Variants in CALN1 observed in about 807,000 individuals in gnomAD.
CALN1 encodes the protein calneuron 1.
Under a neutral mutation model 30.6 loss-of-function variants are expected in CALN1, and 17 were observed. The observed-to-expected ratio is 0.56, with a 90% CI of 0.38 to 0.83. The LOEUF (loss-of-function observed/expected upper bound fraction) is 0.83, where lower values mean the gene tolerates loss of function less well. Ranked by LOEUF, CALN1 falls within the 40% of genes least tolerant of loss-of-function variation. The probability of loss-of-function intolerance (pLI) is 0.00; values close to 1 mark genes in which losing one functional copy is unlikely to be tolerated. For missense variants in CALN1, 291 were observed against 354.9 expected, an observed-to-expected ratio of 0.82 and a Z score of 1.45; for synonymous variants, 156 against 131.4, an observed-to-expected ratio of 1.19 and a Z score of -1.28.
At chr7:72,012,666 G>A (rs1800149573) in intron 5 of CALN1, among the ~76,000 whole-genome samples, 1 of 152,188 alleles carries the variant, frequency 6.6e-6, no homozygotes, top group Non-Finnish European at 1.5e-5. Flanking sequence ...CCTGCCTTGC[G>A]CCTCCTGCAG....
intron 5 of CALN1, among the ~76,000 whole-genome samples, chr7:71,984,886 G>T (rs1047045858): frequency 4.6e-5 from 7 of 152,162 alleles, no homozygotes; most frequent in Non-Finnish European, 8.8e-5. Flanking sequence ...CACATGGTTG[G>T]CTGTTATCCT....
chr7:71,915,277 G>A (rs747169463), intron 5 of CALN1, among the ~76,000 whole-genome samples: 1 of 152,210 alleles, frequency 6.6e-6, no homozygotes. Flanking sequence ...AATGAGAAAA[G>A]CAATGAGGTC....
intron 2 of CALN1, among the ~76,000 whole-genome samples, chr7:72,309,347 G>A (rs1187508441): frequency 8.5e-5 from 13 of 152,080 alleles, no homozygotes; most frequent in Non-Finnish European, 1.3e-4. Flanking sequence ...CAGTCTGTGT[G>A]CAAATAAATC....
intron 5 of CALN1, among the ~76,000 whole-genome samples, chr7:71,894,065 T>C (rs1366620452): frequency 2.6e-5 from 4 of 152,238 alleles, no homozygotes; most frequent in Non-Finnish European, 4.4e-5. Flanking sequence ...CTCCTATAGC[T>C]ACTGAAACTG....
chr7:72,444,574 T>G (rs1051896263), intron 1 of CALN1, among the ~76,000 whole-genome samples: 11 of 152,246 alleles, frequency 7.2e-5, no homozygotes, highest in African/African-American at 2.4e-4. Context: ...TTGGGAGAGA[T>G]AGAGTGACAG....
At chr7:72,097,649 A>C (rs371001502) in intron 4 of CALN1, among the ~76,000 whole-genome samples, 2,015 of 14,530 alleles carry the variant, frequency 0.14, 21 homozygotes, top group South Asian at 0.32. Flanking sequence ...TGTCTACCCA[A>C]AAAAAAAAAA....
At chr7:72,076,611 C>CAAAAAAAAA (rs572245834) in intron 4 of CALN1, among the ~76,000 whole-genome samples, 229 of 6,126 alleles carry the variant, frequency 0.037, 102 homozygotes, top group Middle Eastern at 0.2. Context: ...AAAAAAAAAG[C>CAAAAAAAAA]AAAAAAAAAA....
chr7:72,434,840 G>A (rs1350592251), intron 1 of CALN1, among the ~76,000 whole-genome samples: 1 of 152,214 alleles, frequency 6.6e-6, no homozygotes, highest in Non-Finnish European at 1.5e-5. Flanking sequence ...GCGAGGCCTG[G>A]ACAGTCAATA....
chr7:72,499,553 A>T, the CALN1 span, among the ~76,000 whole-genome samples: 1 of 152,116 alleles, frequency 6.6e-6, no homozygotes, highest in South Asian at 2.1e-4. Flanking sequence ...TATTCATATT[A>T]TTTTGCAAAA....
At chr7:72,482,803 C>A in the CALN1 span, among the ~76,000 whole-genome samples, 1,652 of 152,202 alleles carry the variant, frequency 0.011, 28 homozygotes, top group African/African-American at 0.037. Flanking sequence ...TCCCAGTACT[C>A]TTCACTCCTT....
chr7:71,987,186 G>A (rs1798718768), intron 5 of CALN1, among the ~76,000 whole-genome samples: 1 of 152,150 alleles, frequency 6.6e-6, no homozygotes, highest in South Asian at 2.1e-4. Flanking sequence ...TTTCACCTAG[G>A]GACAAAGTGA....
chr7:71,879,780 G>A (rs762926881), intron 5 of CALN1, among the ~76,000 whole-genome samples: 26 of 152,294 alleles, frequency 1.7e-4, no homozygotes, highest in Non-Finnish European at 2.8e-4. Context: ...GTACCACTCT[G>A]ATGCTTACGT....
intron 4 of CALN1, among the ~76,000 whole-genome samples, chr7:72,078,118 C>T (rs1177637472): frequency 6.6e-6 from 1 of 152,078 alleles, no homozygotes; most frequent in Non-Finnish European, 1.5e-5. Context: ...AGTGCTTGCC[C>T]TTTTGGAAGC....
intron 3 of CALN1, among the ~76,000 whole-genome samples, chr7:72,166,192 T>G (rs1464008076): frequency 6.6e-6 from 1 of 151,942 alleles, no homozygotes; most frequent in African/African-American, 2.4e-5. Context: ...CTGGTTCAGG[T>G]TTCTGTTTTT....
At chr7:72,383,228 G>C (rs1318137087) in intron 2 of CALN1, among the ~76,000 whole-genome samples, 2 of 152,308 alleles carry the variant, frequency 1.3e-5, no homozygotes, top group Admixed American at 6.5e-5. Flanking sequence ...GAACGTAACG[G>C]TACATGTGTC....
intron 2 of CALN1, among the ~76,000 whole-genome samples, chr7:72,399,257 G>A (rs1212943558): frequency 7.1e-6 from 1 of 140,222 alleles, no homozygotes; most frequent in African/African-American, 2.6e-5. Flanking sequence ...AGCCGGTTTT[G>A]TCTAACCTAT....
Position 72,338,525 on chromosome 7 carries a change from G to GTGTGTGTGTGTGTGTGTGTC in CALN1, c.120-59716_120-59715insGACACACACACACACACACA. Among the ~76,000 whole-genome samples the GTGTGTGTGTGTGTGTGTGTC allele has an allele frequency of 2.0e-3, 243 of 122,334 alleles. 8 individuals are homozygous for GTGTGTGTGTGTGTGTGTGTC. The highest frequency in any genetic ancestry group is 5.8e-3 in the Admixed American group (68 of 11,702). The allele number at this position is 122,334 out of a possible 152,430, so 80.3% of individuals were successfully genotyped here. On this transcript the variant is annotated intron_variant, in intron 2 of 6. Transcript: ENST00000395275. ...TGTGTGTGTGTGTGTGTGTGTGTGT[G>GTGTGTGTGTGTGTGTGTGTC]TGTCTCACCTGGGTGTGGTTTCAGA...
At chr7:72,443,530 T>A (rs1262993315) in intron 1 of CALN1, among the ~76,000 whole-genome samples, 1 of 152,174 alleles carries the variant, frequency 6.6e-6, no homozygotes, top group African/African-American at 2.4e-5. Flanking sequence ...CTCGAGTGTT[T>A]CTTTCACCTC....
At chr7:72,059,515 T>C (rs1430440396) in intron 4 of CALN1, among the ~76,000 whole-genome samples, 1 of 152,202 alleles carries the variant, frequency 6.6e-6, no homozygotes. Context: ...GGAAACTACT[T>C]GGAAATTACC....
Sources: allele counts gnomAD v4.1 joint callset (sites outside exome capture counted in the v4.1 genomes callset), GRCh38; gene constraint gnomAD v4.1.1; transcripts MANE v1.5; gene names NCBI Gene and HGNC (gene_info 2026-07-23, HGNC 2026-07-21).